Variants in NUP98 observed in about 807,000 individuals in gnomAD.
NUP98 encodes the protein nuclear pore complex protein Nup98-Nup96.
NUP98 carries 26 observed loss-of-function variants against 191.9 expected under a neutral mutation model. That is an observed-to-expected ratio of 0.14 (90% CI 0.10 to 0.19). The LOEUF (loss-of-function observed/expected upper bound fraction) is 0.19, where lower values mean the gene tolerates loss of function less well. Ranked by LOEUF, NUP98 falls within the 10% of genes least tolerant of loss-of-function variation. The pLI is 1.00. For missense variants in NUP98, 1,941 were observed against 2,178.8 expected, an observed-to-expected ratio of 0.89 and a Z score of 2.17; for synonymous variants, 808 against 778.4, an observed-to-expected ratio of 1.04 and a Z score of -0.63.
intron 1 of NUP98, among the ~76,000 whole-genome samples, chr11:3,796,579 GACT>G (rs2082593649): frequency 6.6e-6 from 1 of 152,216 alleles, no homozygotes; most frequent in African/African-American, 2.4e-5. Context: ...ACGCTGTGAA[GACT>G]ACATCTACGT....
chr11:3,784,424 C>T (rs2082071944), intron 1 of NUP98, among the ~76,000 whole-genome samples: 1 of 152,038 alleles, frequency 6.6e-6, no homozygotes, highest in Middle Eastern at 3.2e-3. Context: ...TTCTAGAGGG[C>T]CACATCAGAA....
At chr11:3,702,326 CTCTCTCTCTCT>C (rs770094342) in intron 23 of NUP98, 126 bp downstream of exon 23, 64,743 of 202,388 alleles carry the variant, frequency 0.32, 3,339 homozygotes, top group South Asian at 0.35. Flanking sequence ...CTCTCTCTCT[CTCTCTCTCTCT>C]CTCTCTCTCT....
At chr11:3,699,721 T>C (rs560944240) in intron 24 of NUP98, among the ~76,000 whole-genome samples, 5 of 152,296 alleles carry the variant, frequency 3.3e-5, no homozygotes, top group South Asian at 2.1e-4. Flanking sequence ...CTTACAAGTA[T>C]GCACTGGTAA....
intron 14 of NUP98, among the ~76,000 whole-genome samples, chr11:3,727,135 C>T (rs1283296355): frequency 1.3e-5 from 2 of 152,008 alleles, no homozygotes; most frequent in Non-Finnish European, 2.9e-5. Flanking sequence ...TTCATGAGGT[C>T]AGCATAATCT....
rs576032548 is a variant in NUP98 at position 3,677,559 on chromosome 11, C to A, written c.5074-939G>T. On this transcript the variant is annotated intron_variant, in intron 31 of 32. Transcript: ENST00000324932. ...TATGTGCTGGCACATTGATAGTACC[C>A]TTTGCTTAATCCCTATACTTATCAA... Among the ~76,000 whole-genome samples, 19 of 152,070 alleles carry A rather than the reference C, an allele frequency of 1.2e-4. 1 individual carries two copies. The South Asian group carries it at 3.9e-3, about 32-fold the overall frequency.
At chr11:3,726,408 T>C (rs7932699) in intron 14 of NUP98, among the ~76,000 whole-genome samples, 3 of 151,310 alleles carry the variant, frequency 2.0e-5, no homozygotes, top group Admixed American at 1.3e-4. Context: ...CATAAGTTAG[T>C]TCTTTGAAGT....
chr11:3,764,395 T>C (rs2081270882), intron 8 of NUP98, among the ~76,000 whole-genome samples: 1 of 152,240 alleles, frequency 6.6e-6, no homozygotes, highest in South Asian at 2.1e-4. Flanking sequence ...TTATGAATAA[T>C]GCTGTTATGT....
At position 3,754,890 on chromosome 11, in the gene NUP98, C is replaced by T. The variant is rs965040247; in HGVS notation, c.1175-1482G>A. 3.6e-5 allele frequency among the ~76,000 whole-genome samples: 5 copies of T among 138,844 alleles called. No individual in the cohort carries two copies. The South Asian group carries it at 1.1e-3, about 31-fold the overall frequency. The allele number at this position is 138,844 out of a possible 152,430, so 91.1% of individuals were successfully genotyped here. A position where few individuals can be genotyped will look rare whatever the true frequency, so the allele number is the denominator to read the frequency against. ...CCGGGAGGCAGAGGCTGCAGTAAGT[C>T]GAGATCGCACCACTGCACTCCAGCC... is the stretch of plus-strand genomic sequence containing the variant. On this transcript the variant is annotated intron_variant, in intron 10 of 32. Coordinates refer to ENST00000324932, the MANE Select transcript of NUP98 (RefSeq NM_016320.5).
At chr11:3,711,901 C>T in intron 20 of NUP98, 6 of 1,037,998 alleles carry the variant, frequency 5.8e-6, no homozygotes, top group Non-Finnish European at 7.0e-6. Context: ...AGAATTATAG[C>T]ATGGAAAATA....
chr11:3,745,548 G>A (rs1018271400), intron 11 of NUP98, among the ~76,000 whole-genome samples: 9 of 151,932 alleles, frequency 5.9e-5, no homozygotes, highest in African/African-American at 2.2e-4. Context: ...CAAGTTATTG[G>A]CATTATTAAA....
rs988810630 is a variant in NUP98 at position 3,731,623 on chromosome 11, G to A, written c.1543-45C>T. ...AGGAAATTTTTGGTTTACTTTAAATGTACTGCACTGGCCTTAAAAATCACA... is the reference window on the plus strand; with the variant it reads ...AGGAAATTTTTGGTTTACTTTAAATATACTGCACTGGCCTTAAAAATCACA... On this transcript the variant is annotated intron_variant, in intron 13 of 32. Coordinates refer to ENST00000324932, the MANE Select transcript of NUP98 (RefSeq NM_016320.5). 4 of 1,341,600 alleles carry A rather than the reference G, an allele frequency of 3.0e-6. No homozygotes were observed. The African/African-American group carries it at 5.9e-5, about 20-fold the overall frequency. 83.1% of individuals were successfully genotyped at this position (1,341,600 alleles called of 1,614,324 possible). A position where few individuals can be genotyped will look rare whatever the true frequency, so the allele number is the denominator to read the frequency against.
At chr11:3,766,842 T>C (rs568657946) in intron 8 of NUP98, among the ~76,000 whole-genome samples, 1 of 152,334 alleles carries the variant, frequency 6.6e-6, no homozygotes, top group African/African-American at 2.4e-5. Flanking sequence ...TTTACAAAGG[T>C]GATCATGTGG....
intron 20 of NUP98, chr11:3,711,794 C>T (rs2079028991): frequency 1.0e-6 from 1 of 954,206 alleles, no homozygotes. Flanking sequence ...CCTCCCCTCC[C>T]CTGTACGCGC....
In NUP98 at chr11:3,676,599, G is replaced by A; in HGVS notation, c.5095C>T (p.Leu1699=). The A allele has an allele frequency of 6.2e-7, 1 of 1,614,066 alleles. No homozygotes were observed. Among genetic ancestry groups the A allele is most frequent in the Non-Finnish European group, 8.5e-7 (1 of 1,179,938 alleles). Reference sequence around the variant, plus strand: ...GTCACTTTGATGTGTAACTGCTCCAGGTCATTACCTGAGCAATCCACCTAC... The same window carrying A: ...GTCACTTTGATGTGTAACTGCTCCAAGTCATTACCTGAGCAATCCACCTAC... The part of the protein sequence containing the change: ...IQQVDCSGND[L]EQLHIKVTSL... The change falls in exon 32 of 33, where the codon CTG becomes TTG. Residue 1699 remains leucine, a synonymous_variant. Coordinates refer to ENST00000324932, the MANE Select transcript of NUP98 (RefSeq NM_016320.5).
In NUP98 at chr11:3,676,542, A is replaced by G. The variant is rs752313955; in HGVS notation, c.5152T>C (p.Cys1718Arg). 3 of 1,614,080 alleles carry G rather than the reference A, an allele frequency of 1.9e-6. No individual in the cohort carries two copies. The highest frequency in any genetic ancestry group is 2.5e-6 in the Non-Finnish European group (3 of 1,180,026). ...SLCSRIEQIQ[C>R]YSAKDRLAQS... is the part of the protein sequence containing the mutation. ...GCCAGGCGATCTTTAGCACTGTAAC[A>G]CTGAATCTGCTCTATCCGACTGCAC... is the stretch of plus-strand genomic sequence containing the variant. Residue 1718 changes from cysteine (C) to arginine (R), a missense_variant, in exon 32 of 33, where the codon TGT (cysteine) becomes CGT (arginine). Cys to Arg is a radical substitution (Grantham distance 180). This residue lies in a region of NUP98 where 1,030 missense variants were observed against 1,115.8 expected (regional missense o/e 0.92). Transcript: ENST00000324932.
Position 3,675,961 on chromosome 11 carries a change from G to A in NUP98, c.*198C>T, listed in dbSNP as rs139377213. 1 of 590,470 alleles carries A rather than the reference G, an allele frequency of 1.7e-6. No individual in the cohort carries two copies. Among genetic ancestry groups the A allele is most frequent in the East Asian group, 2.8e-5 (1 of 35,646 alleles). 36.6% of individuals were successfully genotyped at this position (590,470 alleles called of 1,614,324 possible). ...AGGATGGTAAACTGTCTCCTCTTCT[G>A]GGTTCCAGAAGCCCTTATGCTACGT... On this transcript the variant is annotated 3_prime_UTR_variant, in exon 33 of 33. Coordinates refer to ENST00000324932, the MANE Select transcript of NUP98 (RefSeq NM_016320.5).
rs200555087 is a variant in NUP98, at chr11:3,771,867, C to T, written c.665G>A (p.Gly222Asp). Residue 222 changes from glycine to aspartate, a missense_variant, in exon 7 of 33, where the codon GGT becomes GAT. Gly to Asp is a moderately conservative substitution (Grantham distance 94). This residue lies in a region of NUP98 where 181 missense variants were observed against 228.0 expected (regional missense o/e 0.79). Transcript: ENST00000324932. ...AGACCCAAACAAGCCAGTTGTGGTA[C>T]CTGCTCCCACCTGGTTCTGTGGGCC... Reference protein sequence around the residue: ...RKGPQNQVGAGTTTGLFGSSP... With the variant: ...RKGPQNQVGADTTTGLFGSSP... 1.2e-6 allele frequency: 2 copies of T among 1,614,132 alleles called. No homozygotes were observed. The highest frequency in any genetic ancestry group is 1.7e-5 in the Admixed American group (1 of 60,010).
At chr11:3,785,596 TA>T (rs1190458876) in intron 1 of NUP98, among the ~76,000 whole-genome samples, 2 of 152,048 alleles carry the variant, frequency 1.3e-5, no homozygotes, top group Admixed American at 6.6e-5. Flanking sequence ...CCGCCTCTAC[TA>T]AAAAAACACA....
chr11:3,781,902 T>A, intron 2 of NUP98, 140 bp downstream of exon 2: 1 of 523,980 alleles, frequency 1.9e-6, no homozygotes, highest in East Asian at 3.2e-5. Flanking sequence ...AGAGATCTTA[T>A]CCTAATTATT....
Sources: allele counts gnomAD v4.1 joint callset (sites outside exome capture counted in the v4.1 genomes callset), GRCh38; gene constraint gnomAD v4.1.1; regional missense constraint gnomAD v4.1.1; transcripts MANE v1.5; gene names NCBI Gene and HGNC (gene_info 2026-07-23, HGNC 2026-07-21).